The following PRELID2 variants were observed in gnomAD, a reference collection of about 807,000 sequenced individuals.
PRELID2 encodes the protein PRELI domain-containing protein 2.
Under a neutral mutation model 28.4 loss-of-function variants are expected in PRELID2, and 25 were observed. That is an observed-to-expected ratio of 0.88 (90% CI 0.64 to 1.23). The LOEUF (loss-of-function observed/expected upper bound fraction) is 1.23, where lower values mean the gene tolerates loss of function less well. Among genes scored for constraint, PRELID2 ranks in the 50% most tolerant of loss-of-function variants. PRELID2 has a pLI of 0.00. For synonymous variants in PRELID2, 76 were observed against 71.6 expected, an observed-to-expected ratio of 1.06 and a Z score of -0.31; for missense variants, 201 against 214.4, an observed-to-expected ratio of 0.94 and a Z score of 0.39.
the PRELID2 span, among the ~76,000 whole-genome samples, chr5:145,291,335 C>CACAAAAAAAA: frequency 1.0e-4 from 6 of 57,476 alleles, no homozygotes; most frequent in African/African-American, 6.5e-4. Flanking sequence ...GACTCTGTTT[C>CACAAAAAAAA]AGAAAAAAAA....
the PRELID2 span, among the ~76,000 whole-genome samples, chr5:145,335,960 C>T: frequency 7.9e-5 from 12 of 152,300 alleles, no homozygotes; most frequent in Middle Eastern, 3.4e-3. Flanking sequence ...TTAATGATTG[C>T]CGTTCTAACT....
At chr5:145,702,547 A>C (rs972221296) in intron 1 of PRELID2, among the ~76,000 whole-genome samples, 20 of 152,158 alleles carry the variant, frequency 1.3e-4, no homozygotes, top group African/African-American at 4.3e-4. Context: ...AAAGAAAAAA[A>C]CTCTGACAGC....
At chr5:145,513,973 C>T (rs996517325) in intron 1 of PRELID2, among the ~76,000 whole-genome samples, 1 of 152,114 alleles carries the variant, frequency 6.6e-6, no homozygotes, top group African/African-American at 2.4e-5. Context: ...CCAGACCTGT[C>T]TTACAAGAGC....
chr5:145,602,289 T>C (rs148007020), intron 1 of PRELID2, among the ~76,000 whole-genome samples: 1 of 152,206 alleles, frequency 6.6e-6, no homozygotes, highest in Non-Finnish European at 1.5e-5. Flanking sequence ...AAAATATCTT[T>C]TACTTTGTGC....
At chr5:145,576,371 AT>A in intron 1 of PRELID2, among the ~76,000 whole-genome samples, 1 of 152,226 alleles carries the variant, frequency 6.6e-6, no homozygotes. Context: ...CTCATACAAC[AT>A]GCGGTCTTTT....
chr5:145,765,399 G>A (rs969599476), intron 5 of PRELID2, among the ~76,000 whole-genome samples: 10 of 152,060 alleles, frequency 6.6e-5, no homozygotes, highest in African/African-American at 1.7e-4. Context: ...TGGGGGTAGC[G>A]AGTGCTATGG....
intron 1 of PRELID2, among the ~76,000 whole-genome samples, chr5:145,713,776 G>A (rs896961869): frequency 6.8e-6 from 1 of 146,440 alleles, no homozygotes; most frequent in Middle Eastern, 3.9e-3. Flanking sequence ...AGAAGACAAT[G>A]GAATTACATT....
At chr5:145,476,176 G>A (rs538299353) in intron 1 of PRELID2, among the ~76,000 whole-genome samples, 107 of 152,292 alleles carry the variant, frequency 7.0e-4, no homozygotes, top group African/African-American at 2.5e-3. Context: ...CATCCCAAGT[G>A]ATTCTGATGC....
At chr5:145,572,636 C>A (rs1387124189) in intron 1 of PRELID2, among the ~76,000 whole-genome samples, 1 of 152,120 alleles carries the variant, frequency 6.6e-6, no homozygotes, top group African/African-American at 2.4e-5. Flanking sequence ...TCCATCAAAG[C>A]CTTTGGCACC....
At chr5:145,636,555 T>C (rs2195938) in intron 1 of PRELID2, among the ~76,000 whole-genome samples, 23,025 of 152,218 alleles carry the variant, frequency 0.15, 2,986 homozygotes, top group African/African-American at 0.34. Context: ...TTCTAACTTG[T>C]GTAATTATAT....
chr5:145,318,770 T>C, the PRELID2 span, among the ~76,000 whole-genome samples: 2 of 152,150 alleles, frequency 1.3e-5, no homozygotes, highest in Non-Finnish European at 2.9e-5. Flanking sequence ...AGCTCTACCA[T>C]CCACAGAAGG....
intron 1 of PRELID2, among the ~76,000 whole-genome samples, chr5:145,576,686 A>AAG (rs1753063667): frequency 6.6e-6 from 1 of 152,030 alleles, no homozygotes; most frequent in East Asian, 1.9e-4. Flanking sequence ...TAAAAAAAAA[A>AAG]AAAAGATGCA....
intron 1 of PRELID2, among the ~76,000 whole-genome samples, chr5:145,526,576 A>C (rs1182237832): frequency 6.6e-6 from 1 of 152,188 alleles, no homozygotes; most frequent in Non-Finnish European, 1.5e-5. Flanking sequence ...AATTTCAAGC[A>C]GGAAAATTAG....
intron 1 of PRELID2, among the ~76,000 whole-genome samples, chr5:145,613,983 G>A (rs910083792): frequency 6.6e-6 from 1 of 152,168 alleles, no homozygotes; most frequent in African/African-American, 2.4e-5. Flanking sequence ...TCCATCTTGA[G>A]TTGATTTTTG....
chr5:145,527,989 T>C (rs1752623541), intron 1 of PRELID2, among the ~76,000 whole-genome samples: 1 of 152,086 alleles, frequency 6.6e-6, no homozygotes, highest in Non-Finnish European at 1.5e-5. Flanking sequence ...ATTACTCTCA[T>C]TTCAGAACCT....
chr5:145,751,352 A>G (rs893031815), downstream of PRELID2, among the ~76,000 whole-genome samples: 5 of 152,346 alleles, frequency 3.3e-5, no homozygotes, highest in Non-Finnish European at 5.9e-5. Flanking sequence ...GGTGGCCTCA[A>G]TCACGGCTTC....
Position 145,817,213 on chromosome 5 carries a change from A to AT in PRELID2, c.368+680_368+681insA, listed in dbSNP as rs1491118093. 5.8e-4 allele frequency among the ~76,000 whole-genome samples: 49 copies of AT among 85,008 alleles called. 1 individual carries two copies. The highest frequency in any genetic ancestry group is 1.8e-3 in the African/African-American group (48 of 26,432). 55.8% of individuals were successfully genotyped at this position (85,008 alleles called of 152,430 possible). A position where few individuals can be genotyped will look rare whatever the true frequency, so the allele number is the denominator to read the frequency against. ...TTCAAAAAAAAATAAATAAATAAAT[A>AT]AAAAAAAATATATATATATATATAC... On this transcript the variant is annotated intron_variant, in intron 4 of 6. Coordinates refer to ENST00000683046, the MANE Select transcript of PRELID2 (RefSeq NM_205846.3).
chr5:145,346,382 G>A, the PRELID2 span, among the ~76,000 whole-genome samples: 1 of 152,082 alleles, frequency 6.6e-6, no homozygotes, highest in Middle Eastern at 3.2e-3. Context: ...TTCTACTCAA[G>A]AGACAGTTTG....
chr5:145,825,295 G>T (rs553344742), intron 1 of PRELID2, among the ~76,000 whole-genome samples: 2 of 138,310 alleles, frequency 1.4e-5, no homozygotes, highest in South Asian at 5.0e-4. Flanking sequence ...TTGAAGTTCA[G>T]CCCTTCCGAG....
Sources: allele counts gnomAD v4.1 joint callset (sites outside exome capture counted in the v4.1 genomes callset), GRCh38; gene constraint gnomAD v4.1.1; transcripts MANE v1.5; gene names NCBI Gene and HGNC (gene_info 2026-07-23, HGNC 2026-07-21).